SH3GL2: variants seen among roughly 807,000 people sequenced by gnomAD.
SH3GL2 encodes the protein SH3 domain containing GRB2 like 2, endophilin A1.
In SH3GL2, 24 loss-of-function variants were observed where a neutral mutation model predicts 46.0. The observed-to-expected ratio is 0.52, with a 90% confidence interval of 0.38 to 0.73. The LOEUF (loss-of-function observed/expected upper bound fraction) is 0.73, where lower values mean the gene tolerates loss of function less well. Among genes scored for constraint, SH3GL2 ranks in the 30% least tolerant of loss-of-function variants. SH3GL2 has a pLI of 0.00. For synonymous variants in SH3GL2, 196 were observed against 147.1 expected, an observed-to-expected ratio of 1.33 and a Z score of -2.40; for missense variants, 413 against 424.2, an observed-to-expected ratio of 0.97 and a Z score of 0.23.
In SH3GL2 at chr9:17,742,969, A is replaced by G. The variant is rs183914028; in HGVS notation, c.46-4097A>G. Among the ~76,000 whole-genome samples the G allele has an allele frequency of 2.5e-3, 388 of 152,344 alleles. 4 individuals are homozygous for G. Among genetic ancestry groups the G allele is most frequent in the Admixed American group, 4.1e-3 (63 of 15,298 alleles). ...AAATGGCAAATATGTTAGTCAAAGT[A>G]TACTAAGTGGCATCAGATAACATTC... On this transcript the variant is annotated intron_variant, in intron 1 of 8. Transcript: ENST00000380607.
intron 1 of SH3GL2, among the ~76,000 whole-genome samples, chr9:17,687,176 T>C (rs1820938294): frequency 6.6e-6 from 1 of 152,150 alleles, no homozygotes; most frequent in Admixed American, 6.5e-5. Flanking sequence ...CTTTGATTTT[T>C]CTTATAATCA....
intron 3 of SH3GL2, among the ~76,000 whole-genome samples, chr9:17,768,129 TG>T (rs1823369330): frequency 6.6e-6 from 1 of 152,084 alleles, no homozygotes; most frequent in Non-Finnish European, 1.5e-5. Flanking sequence ...CCCAGCACTT[TG>T]GGAGGCCGAG....
chr9:17,596,230 T>C (rs1818569084), intron 1 of SH3GL2, among the ~76,000 whole-genome samples: 1 of 152,202 alleles, frequency 6.6e-6, no homozygotes, highest in Non-Finnish European at 1.5e-5. Context: ...TTGTGCTGCT[T>C]GGGTTTCTTC....
At chr9:17,732,790 T>C (rs996225170) in intron 1 of SH3GL2, among the ~76,000 whole-genome samples, 1 of 152,152 alleles carries the variant, frequency 6.6e-6, no homozygotes, top group African/African-American at 2.4e-5. Context: ...CACCAACAGC[T>C]TTTAGCAATA....
chr9:17,661,780 A>T (rs1331497517), intron 1 of SH3GL2, among the ~76,000 whole-genome samples: 1 of 152,178 alleles, frequency 6.6e-6, no homozygotes, highest in Non-Finnish European at 1.5e-5. Flanking sequence ...TATAGTGGAA[A>T]CTACAGTCTT....
In SH3GL2 at chr9:17,795,936, G is replaced by T; in HGVS notation, c.*193G>T. 1.7e-6 allele frequency: 1 copy of T among 574,472 alleles called. No homozygotes were observed. The highest frequency in any genetic ancestry group is 3.1e-6 in the Non-Finnish European group (1 of 322,678). The allele number at this position is 574,472 out of a possible 1,614,324, so 35.6% of individuals were successfully genotyped here. A position where few individuals can be genotyped will look rare whatever the true frequency, so the allele number is the denominator to read the frequency against. On this transcript the variant is annotated 3_prime_UTR_variant, in exon 9 of 9. Transcript: ENST00000380607. ...TGATGGATGATATCCTCTTAGCCTG[G>T]TGGGCGTGGCATGTGCTTTTTAAAA...
intron 1 of SH3GL2, among the ~76,000 whole-genome samples, chr9:17,652,612 A>C (rs1441500561): frequency 6.6e-6 from 1 of 152,144 alleles, no homozygotes; most frequent in Non-Finnish European, 1.5e-5. Context: ...TATTATATAG[A>C]GTGAGTATCC....
chr9:17,785,704 A>G (rs972676619), intron 3 of SH3GL2, among the ~76,000 whole-genome samples: 1 of 152,002 alleles, frequency 6.6e-6, no homozygotes, highest in Admixed American at 6.5e-5. Flanking sequence ...TTCTTTTATA[A>G]AAACAAAAAC....
At chr9:17,585,536 A>G (rs60964399) in intron 1 of SH3GL2, among the ~76,000 whole-genome samples, 4,951 of 152,256 alleles carry the variant, frequency 0.033, 278 homozygotes, top group African/African-American at 0.11. Context: ...TAGAATGACA[A>G]TCACTGTACA....
At chr9:17,709,251 A>C in intron 1 of SH3GL2, among the ~76,000 whole-genome samples, 1 of 152,174 alleles carries the variant, frequency 6.6e-6, no homozygotes, top group East Asian at 1.9e-4. Flanking sequence ...TTGTAAGATA[A>C]GTCAGTCCTT....
intron 1 of SH3GL2, among the ~76,000 whole-genome samples, chr9:17,735,549 A>C (rs557097976): frequency 6.6e-6 from 1 of 152,078 alleles, no homozygotes. Context: ...TGGAATATAG[A>C]ATATTCATGG....
chr9:17,667,925 T>C (rs1329953187), intron 1 of SH3GL2, among the ~76,000 whole-genome samples: 1 of 152,238 alleles, frequency 6.6e-6, no homozygotes, highest in Non-Finnish European at 1.5e-5. Flanking sequence ...CATCTCTTCA[T>C]GTGCATATTG....
chr9:17,700,946 A>G (rs528937774), intron 1 of SH3GL2, among the ~76,000 whole-genome samples: 2 of 152,328 alleles, frequency 1.3e-5, no homozygotes, highest in Admixed American at 6.5e-5. Context: ...TGTCTTAGAG[A>G]GGTGGATGGA....
At chr9:17,765,607 C>A (rs1823296241) in intron 3 of SH3GL2, among the ~76,000 whole-genome samples, 1 of 152,156 alleles carries the variant, frequency 6.6e-6, no homozygotes, top group African/African-American at 2.4e-5. Flanking sequence ...CTTAAGGGGC[C>A]CTCCCTGCAT....
chr9:17,786,438 A>C lies in SH3GL2; in HGVS notation c.245A>C (p.Lys82Thr). 1.2e-6 allele frequency: 2 copies of C among 1,613,418 alleles called. No homozygotes were observed. Among genetic ancestry groups the C allele is most frequent in the Non-Finnish European group, 1.7e-6 (2 of 1,179,554 alleles). The change falls in exon 4 of 9, where the codon AAG (lysine) becomes ACG (threonine). Residue 82 changes from lysine to threonine, a missense_variant. Around this residue, in one of 3 missense-constraint regions of SH3GL2, gnomAD observed 160 missense variants for 192.3 expected, o/e 0.83. Transcript: ENST00000380607. ...NTMSKIRGQE[K>T]GPGYPQAEAL... Reference sequence around the variant, plus strand: ...ATGTCAAAAATCCGTGGCCAGGAGAAGGGGCCAGGCTATCCTCAGGCAGAG... The same window carrying C: ...ATGTCAAAAATCCGTGGCCAGGAGACGGGGCCAGGCTATCCTCAGGCAGAG...
intron 1 of SH3GL2, among the ~76,000 whole-genome samples, chr9:17,581,663 G>A (rs7030014): frequency 0.46 from 69,572 of 151,940 alleles, 17,609 homozygotes; most frequent in African/African-American, 0.68. Flanking sequence ...GAGAACTGAT[G>A]TGCTGGATAA....
chr9:17,635,384 T>C (rs1295998757), intron 1 of SH3GL2, among the ~76,000 whole-genome samples: 1 of 152,220 alleles, frequency 6.6e-6, no homozygotes, highest in Non-Finnish European at 1.5e-5. Flanking sequence ...CAGTCTATCA[T>C]TGATGGGCAT....
chr9:17,746,965 G>T (rs1479298995), intron 1 of SH3GL2, 101 bp from the exon 2 acceptor site: 1 of 751,468 alleles, frequency 1.3e-6, no homozygotes, highest in East Asian at 2.7e-5. Flanking sequence ...GAATGGTTGT[G>T]AGATTACATT....
chr9:17,784,997 G>C (rs1823912833), intron 3 of SH3GL2, among the ~76,000 whole-genome samples: 1 of 152,292 alleles, frequency 6.6e-6, no homozygotes, highest in East Asian at 1.9e-4. Flanking sequence ...ATAGGCATAA[G>C]CCACCACACT....
Sources: allele counts gnomAD v4.1 joint callset (sites outside exome capture counted in the v4.1 genomes callset), GRCh38; gene constraint gnomAD v4.1.1; regional missense constraint gnomAD v4.1.1; transcripts MANE v1.5; gene names NCBI Gene and HGNC (gene_info 2026-07-23, HGNC 2026-07-21).